ITSN1: variants seen among roughly 807,000 people sequenced by gnomAD.
The protein encoded by ITSN1 is intersectin 1.
ITSN1 carries 58 observed loss-of-function variants against 239.8 expected under a neutral mutation model. The ratio of observed to expected loss-of-function variants is 0.24; its 90% CI spans 0.20 to 0.30. The LOEUF (loss-of-function observed/expected upper bound fraction) is 0.30, where lower values mean the gene tolerates loss of function less well. Ranked by LOEUF, ITSN1 falls within the 10% of genes least tolerant of loss-of-function variation. ITSN1 has a pLI of 1.00. For synonymous variants in ITSN1, 780 were observed against 770.8 expected (o/e 1.01, Z -0.20); for missense variants, 1,558 against 2,103.3 (o/e 0.74, Z 5.07).
intron 1 of ITSN1, among the ~76,000 whole-genome samples, chr21:33,663,173 G>T (rs1432078928): frequency 3.3e-5 from 5 of 152,108 alleles, no homozygotes; most frequent in African/African-American, 1.2e-4. Context: ...AACTCTTCAG[G>T]CAGTTATAGT....
chr21:33,644,555 T>C (rs1375211311), intron 1 of ITSN1, among the ~76,000 whole-genome samples: 2 of 152,212 alleles, frequency 1.3e-5, no homozygotes, highest in East Asian at 3.8e-4. Flanking sequence ...TTTAATGTAC[T>C]TTGGAACCCT....
In ITSN1 at chr21:33,735,141, C is replaced by T; in HGVS notation, c.283C>T (p.Pro95Ser). The change falls in exon 5 of 40, where the codon CCC becomes TCC. Residue 95 changes from proline (P) to serine (S), a missense_variant. By Grantham distance (74) the Pro-to-Ser change is moderately conservative (BLOSUM62 -1). Coordinates refer to ENST00000381318, the MANE Select transcript of ITSN1 (RefSeq NM_003024.3). ...IKLKLQGYQL[P>S]SALPPVMKQQ... is the part of the protein sequence containing the mutation. ...ACTGAAGCTACAAGGATATCAGCTA[C>T]CCTCTGCACTTCCCCCTGTCATGAA... 6.2e-7 allele frequency: 1 copy of T among 1,613,958 alleles called. No homozygotes were observed. Among genetic ancestry groups the T allele is most frequent in the Non-Finnish European group, 8.5e-7 (1 of 1,179,886 alleles).
At chr21:33,683,184 C>G (rs1289095659) in intron 1 of ITSN1, among the ~76,000 whole-genome samples, 1 of 151,456 alleles carries the variant, frequency 6.6e-6, no homozygotes, top group African/African-American at 2.4e-5. Context: ...GAATCAGGCG[C>G]TGACTTTTTT....
Position 33,775,086 on chromosome 21 carries a change from C to T in ITSN1, c.1574C>T (p.Thr525Ile), listed in dbSNP as rs1017738636. The T allele has an allele frequency of 6.2e-7, 1 of 1,613,614 alleles. No homozygotes were observed. Among genetic ancestry groups the T allele is most frequent in the Non-Finnish European group, 8.5e-7 (1 of 1,179,874 alleles). ...AGAGAGTTGAGAATTGCCGAAATCACCCATCTACAGCAACAATTACAGGTG... is the reference window on the plus strand; with the variant it reads ...AGAGAGTTGAGAATTGCCGAAATCATCCATCTACAGCAACAATTACAGGTG... Reference protein sequence around the residue: ...KSRELRIAEITHLQQQLQESQ... With the variant: ...KSRELRIAEIIHLQQQLQESQ... The change falls in exon 14 of 40, where the codon ACC (threonine) becomes ATC (isoleucine). Residue 525 changes from threonine (T) to isoleucine (I), a missense_variant. By Grantham distance (89) the Thr-to-Ile change is moderately conservative. Transcript: ENST00000381318.
At chr21:33,645,592 G>T (rs1395614635) in intron 1 of ITSN1, among the ~76,000 whole-genome samples, 5 of 152,192 alleles carry the variant, frequency 3.3e-5, no homozygotes, top group Non-Finnish European at 7.3e-5. Flanking sequence ...GGAGGCTGCA[G>T]TGAGCCATGA....
intron 16 of ITSN1, among the ~76,000 whole-genome samples, chr21:33,793,960 T>C (rs1026153794): frequency 6.6e-6 from 1 of 152,198 alleles, no homozygotes; most frequent in Admixed American, 6.5e-5. Flanking sequence ...TAAAGGTTGG[T>C]GTTGATTGAT....
chr21:33,803,298 GC>G (rs1188635160), intron 20 of ITSN1, among the ~76,000 whole-genome samples: 1 of 152,172 alleles, frequency 6.6e-6, no homozygotes, highest in Non-Finnish European at 1.5e-5. Context: ...CGTTCCCTCT[GC>G]CCCAGAAATT....
chr21:33,816,358 A>G (rs2073268439), intron 22 of ITSN1, among the ~76,000 whole-genome samples: 1 of 152,198 alleles, frequency 6.6e-6, no homozygotes, highest in Non-Finnish European at 1.5e-5. Context: ...CTGTGCATGG[A>G]TCTTACTAAA....
intron 1 of ITSN1, among the ~76,000 whole-genome samples, chr21:33,647,351 T>C (rs562909973): frequency 6.6e-6 from 1 of 152,286 alleles, no homozygotes; most frequent in Non-Finnish European, 1.5e-5. Context: ...GTAACAAAAA[T>C]GGGATCTTGC....
At chr21:33,759,448 A>C (rs1158995099) in intron 8 of ITSN1, among the ~76,000 whole-genome samples, 1 of 152,216 alleles carries the variant, frequency 6.6e-6, no homozygotes, top group Admixed American at 6.5e-5. Context: ...TTTATGTGTA[A>C]TAGATAAAAT....
chr21:33,734,465 G>C (rs1320543793), intron 4 of ITSN1, among the ~76,000 whole-genome samples: 1 of 152,128 alleles, frequency 6.6e-6, no homozygotes, highest in Non-Finnish European at 1.5e-5. Flanking sequence ...AGTTTCAAGA[G>C]CTTTAGAGGT....
chr21:33,833,695 GTC>G (rs2033109268), intron 27 of ITSN1, among the ~76,000 whole-genome samples: 1 of 152,104 alleles, frequency 6.6e-6, no homozygotes, highest in Non-Finnish European at 1.5e-5. Context: ...GTGAAACCCT[GTC>G]TCTACTAAAA....
intron 22 of ITSN1, among the ~76,000 whole-genome samples, chr21:33,816,171 C>T (rs1226841226): frequency 2.7e-5 from 4 of 150,688 alleles, no homozygotes; most frequent in South Asian, 4.2e-4. Flanking sequence ...TCAGCCTGGG[C>T]GACAGAGCAA....
intron 5 of ITSN1, among the ~76,000 whole-genome samples, chr21:33,749,891 A>C (rs1314471119): frequency 2.6e-5 from 4 of 152,084 alleles, no homozygotes; most frequent in South Asian, 4.2e-4. Context: ...TGAGCCTTTA[A>C]GTCCACTGCA....
chr21:33,688,591 A>G (rs561028832), intron 1 of ITSN1, among the ~76,000 whole-genome samples: 1 of 152,180 alleles, frequency 6.6e-6, no homozygotes, highest in South Asian at 2.1e-4. Flanking sequence ...TTGTCTGAGA[A>G]ACAGACAATG....
At chr21:33,823,681 C>T (rs552956793) in intron 25 of ITSN1, 28 bp downstream of exon 25, 7 of 1,593,940 alleles carry the variant, frequency 4.4e-6, no homozygotes, top group Non-Finnish European at 6.0e-6. Flanking sequence ...GTTTCCTCTC[C>T]CTTTCTGTGC....
chr21:33,695,767 A>G (rs1353455496), intron 1 of ITSN1, among the ~76,000 whole-genome samples: 2 of 152,306 alleles, frequency 1.3e-5, no homozygotes, highest in Admixed American at 6.5e-5. Context: ...TTTTTAACAG[A>G]AACGTTCTTT....
chr21:33,714,669 C>T (rs2065039027), intron 1 of ITSN1, among the ~76,000 whole-genome samples: 1 of 151,904 alleles, frequency 6.6e-6, no homozygotes, highest in East Asian at 1.9e-4. Flanking sequence ...ATTTTAATGC[C>T]TTCAGTATCA....
intron 5 of ITSN1, among the ~76,000 whole-genome samples, chr21:33,736,067 G>A (rs920451848): frequency 1.3e-4 from 20 of 152,202 alleles, no homozygotes; most frequent in South Asian, 2.1e-4. Context: ...TGATTAATTA[G>A]TTGACTGAGA....
Sources: allele counts gnomAD v4.1 joint callset (sites outside exome capture counted in the v4.1 genomes callset), GRCh38; gene constraint gnomAD v4.1.1; transcripts MANE v1.5; gene names NCBI Gene and HGNC (gene_info 2026-07-23, HGNC 2026-07-21).